The following SLC13A5 variants were observed in gnomAD, a reference collection of about 807,000 sequenced individuals.
SLC13A5 encodes the protein solute carrier family 13 member 5.
A neutral mutation model predicts 56.5 loss-of-function variants in SLC13A5; 25 were observed. The ratio of observed to expected loss-of-function variants is 0.44; its 90% CI spans 0.32 to 0.62. SLC13A5 has a LOEUF of 0.62. SLC13A5 is among the 20% of genes least tolerant of loss of function. The probability of loss-of-function intolerance (pLI) is 0.04; values close to 1 mark genes in which losing one functional copy is unlikely to be tolerated. For missense variants in SLC13A5, 649 were observed against 737.8 expected (o/e 0.88, Z 1.39); for synonymous variants, 307 against 301.5 (o/e 1.02, Z -0.19).
At chr17:6,706,540 C>A in intron 3 of SLC13A5, 102 bp downstream of exon 3, 2 of 1,489,104 alleles carry the variant, frequency 1.3e-6, no homozygotes, top group Admixed American at 2.1e-5. Context: ...AGCCCATGGC[C>A]AGCCCTCACC....
At chr17:6,695,126 A>T (rs1973523075) in intron 7 of SLC13A5, among the ~76,000 whole-genome samples, 1 of 152,176 alleles carries the variant, frequency 6.6e-6, no homozygotes, top group Admixed American at 6.5e-5. Flanking sequence ...CTCTCATCAC[A>T]GCTCTGGCCA....
chr17:6,687,643 C>A lies in SLC13A5; in HGVS notation c.1461G>T (p.Pro487=), dbSNP rs374067396. ...GGGTACAGGGCAGCATGATGTACAG[C>A]GGATTGAGGCCGATGGAGCGAGACT... The part of the protein sequence containing the change: ...ASMSRSIGLN[P]LYIMLPCTLS... The change falls in exon 11 of 12, where the codon CCG becomes CCT. Residue 487 remains proline (P), a synonymous_variant. Coordinates refer to ENST00000433363, the MANE Select transcript of SLC13A5 (RefSeq NM_177550.5). This position sits in a 1 kb window ranked among gnomAD's most constrained non-coding sequence, Gnocchi z 5.0. 6.2e-7 allele frequency: 1 copy of A among 1,606,698 alleles called. No homozygotes were observed. The highest frequency in any genetic ancestry group is 1.7e-5 in the Admixed American group (1 of 58,350).
intron 6 of SLC13A5, among the ~76,000 whole-genome samples, chr17:6,698,894 C>T (rs909662295): frequency 6.6e-6 from 1 of 151,676 alleles, no homozygotes; most frequent in East Asian, 1.9e-4. Flanking sequence ...CAAAAATTAG[C>T]CAGGCATGGT....
At chr17:6,690,753 C>T (rs943458088) in intron 10 of SLC13A5, 26 bp downstream of exon 10, 32 of 1,614,040 alleles carry the variant, frequency 2.0e-5, no homozygotes, top group Non-Finnish European at 2.5e-5. Context: ...AATGGAAGGG[C>T]TCCTCCCCAC....
chr17:6,702,926 G>C, intron 5 of SLC13A5, 44 bp downstream of exon 5: 3 of 1,599,922 alleles, frequency 1.9e-6, no homozygotes, highest in Non-Finnish European at 2.6e-6. Context: ...CTCCAGCCCC[G>C]GTACCCACTT....
At chr17:6,707,297 C>T (rs571821760) in intron 1 of SLC13A5, 141 bp from the exon 2 acceptor site, 3 of 1,142,838 alleles carry the variant, frequency 2.6e-6, no homozygotes, top group South Asian at 1.5e-5. Context: ...TCTTGTTCCC[C>T]AGCCCTGGTC....
chr17:6,693,082 G>A lies in SLC13A5; in HGVS notation c.1237C>T (p.Leu413=), dbSNP rs1251579022. 6.2e-7 allele frequency: 1 copy of A among 1,613,966 alleles called. No individual in the cohort carries two copies. Among genetic ancestry groups the A allele is most frequent in the South Asian group, 1.1e-5 (1 of 91,080 alleles). The change falls in exon 9 of 12, where the codon CTA becomes TTA. Residue 413 remains leucine (L), a synonymous_variant. Transcript: ENST00000433363. ...GCCAGAGCAAATCCGCCCCCTAGTA[G>A]CAGCACGATGCCCCAGGGCACTTTC... ...QEKVPWGIVL[L]LGGGFALAKG...
intron 3 of SLC13A5, 21 bp downstream of exon 3, chr17:6,706,621 A>G: frequency 6.2e-7 from 1 of 1,610,810 alleles, no homozygotes; most frequent in Non-Finnish European, 8.5e-7. Flanking sequence ...CCACGTGGCA[A>G]GAGAGAGAAG....
rs746638863 is a variant in SLC13A5, at chr17:6,686,070, T to C, written c.*137A>G. On this transcript the variant is annotated 3_prime_UTR_variant, in exon 12 of 12. Transcript: ENST00000433363. ...TGGGCTTGGAGGAAGAGGTGGCCCA[T>C]TGGCTGGGTTTTGGTGGTGTGTGGA... The C allele has an allele frequency of 1.6e-6, 2 of 1,248,350 alleles. No homozygotes were observed. The highest frequency in any genetic ancestry group is 2.2e-6 in the Non-Finnish European group (2 of 892,146). The allele number at this position is 1,248,350 out of a possible 1,614,324, so 77.3% of individuals were successfully genotyped here.
At chr17:6,690,650 C>T in intron 10 of SLC13A5, 129 bp downstream of exon 10, 1 of 1,290,470 alleles carries the variant, frequency 7.7e-7, no homozygotes, top group Non-Finnish European at 1.1e-6. Context: ...ATCCACGTCA[C>T]AGTCAGACCT....
intron 1 of SLC13A5, among the ~76,000 whole-genome samples, chr17:6,707,653 C>T (rs1314370595): frequency 6.6e-6 from 1 of 152,052 alleles, no homozygotes; most frequent in Admixed American, 6.5e-5. Context: ...GATGGAGTGT[C>T]GCTCTTGCCG....
chr17:6,699,895 C>T (rs1469231290), intron 6 of SLC13A5, among the ~76,000 whole-genome samples: 2 of 152,214 alleles, frequency 1.3e-5, no homozygotes, highest in African/African-American at 2.4e-5. Flanking sequence ...TGTGAGCCAT[C>T]GCGCCCGGCC....
At chr17:6,695,204 G>C (rs1440437876) in intron 7 of SLC13A5, among the ~76,000 whole-genome samples, 1 of 152,132 alleles carries the variant, frequency 6.6e-6, no homozygotes, top group African/African-American at 2.4e-5. Context: ...GAACACATTA[G>C]GGTCTTATTG....
chr17:6,693,147 A>G lies in SLC13A5; in HGVS notation c.1172T>C (p.Phe391Ser), dbSNP rs777258503. 3.1e-6 allele frequency: 5 copies of G among 1,598,124 alleles called. No homozygotes were observed. The African/African-American group carries it at 6.8e-5, about 22-fold the overall frequency. Residue 391 changes from phenylalanine (F) to serine (S), a missense_variant, in exon 9 of 12, where the codon TTT (phenylalanine) becomes TCT (serine). Phe to Ser is a radical substitution (Grantham distance 155). Coordinates refer to ENST00000433363, the MANE Select transcript of SLC13A5 (RefSeq NM_177550.5). ...SQTEEERKTP[F>S]YPPPLLDWKV... Reference sequence around the variant, plus strand: ...CCAATCCAGCAGGGGAGGGGGATAAAATGGAGTTTTCCTTTCTGGGAAGAA... The same window carrying G: ...CCAATCCAGCAGGGGAGGGGGATAAGATGGAGTTTTCCTTTCTGGGAAGAA...
chr17:6,687,969 G>T lies in SLC13A5; in HGVS notation c.1438-303C>A. 1 of 232,696 alleles carries T rather than the reference G, an allele frequency of 4.3e-6. No individual in the cohort carries two copies. Among genetic ancestry groups the T allele is most frequent in the Non-Finnish European group, 8.3e-6 (1 of 121,208 alleles). 14.4% of individuals were successfully genotyped at this position (232,696 alleles called of 1,614,324 possible). On this transcript the variant is annotated intron_variant, in intron 10 of 11. Coordinates refer to ENST00000433363, the MANE Select transcript of SLC13A5 (RefSeq NM_177550.5). This position sits in a 1 kb window ranked among gnomAD's most constrained non-coding sequence, Gnocchi z 5.0. ...CTTAGACTGTGCTCAACCTTACAGT[G>T]CCGCGTGCACATGTCTGTCTGTCTT...
At chr17:6,707,493 G>A (rs180916346) in intron 1 of SLC13A5, among the ~76,000 whole-genome samples, 1 of 152,092 alleles carries the variant, frequency 6.6e-6, no homozygotes, top group Non-Finnish European at 1.5e-5. Context: ...AAGAAAAGGA[G>A]AAAGAAGGAG....
intron 6 of SLC13A5, among the ~76,000 whole-genome samples, chr17:6,696,444 G>T (rs1044571505): frequency 2.6e-5 from 4 of 152,154 alleles, no homozygotes; most frequent in African/African-American, 9.7e-5. Context: ...AGTTGGAGGT[G>T]CAGGATTAGG....
chr17:6,686,108 A>T lies in SLC13A5; in HGVS notation c.*99T>A. The T allele has an allele frequency of 6.5e-7, 1 of 1,543,544 alleles. No individual in the cohort carries two copies. Among genetic ancestry groups the T allele is most frequent in the South Asian group, 1.2e-5 (1 of 83,832 alleles). ...GGTGGTGTGTGGACATCGTTGGGTC[A>T]TTTTGGGGTGTGAACCCCAAAACTC... On this transcript the variant is annotated 3_prime_UTR_variant, in exon 12 of 12. Coordinates refer to ENST00000433363, the MANE Select transcript of SLC13A5 (RefSeq NM_177550.5).
Position 6,686,134 on chromosome 17 carries a change from T to C in SLC13A5, c.*73A>G, listed in dbSNP as rs926802550. 3.1e-6 allele frequency: 5 copies of C among 1,598,288 alleles called. No homozygotes were observed. The African/African-American group carries it at 5.4e-5, about 17-fold the overall frequency. The stretch of plus-strand genomic sequence containing the variant: ...TTTTGGGGTGTGAACCCCAAAACTC[T>C]GTACAAGGTGTGCCAGAAGGTTCGG... On this transcript the variant is annotated 3_prime_UTR_variant, in exon 12 of 12. Transcript: ENST00000433363.
Sources: gnomAD v4.1 joint callset for allele counts (sites outside exome capture counted in the v4.1 genomes callset) on GRCh38, gnomAD v4.1.1 for gene constraint, Gnocchi (gnomAD v3.1) non-coding constraint, MANE v1.5 for transcripts, NCBI Gene and HGNC (gene_info 2026-07-23, HGNC 2026-07-21) for gene names.